GREB1: variants seen among roughly 807,000 people sequenced by gnomAD.
GREB1 encodes growth regulating estrogen receptor binding 1.
GREB1 carries 106 observed loss-of-function variants against 200.7 expected under a neutral mutation model. The observed-to-expected ratio is 0.53, with a 90% CI of 0.45 to 0.62. The LOEUF (loss-of-function observed/expected upper bound fraction) is 0.62. GREB1 is among the 20% of genes least tolerant of loss of function. The probability of loss-of-function intolerance (pLI) is 0.00; values close to 1 mark genes in which losing one functional copy is unlikely to be tolerated. For missense variants in GREB1, 2,243 were observed against 2,556.8 expected (o/e 0.88, Z 2.65); for synonymous variants, 1,132 against 1,092.4 (o/e 1.04, Z -0.72).
chr2:11,611,049 G>T (rs780051810), intron 18 of GREB1, 22 bp downstream of exon 18: 2 of 1,524,922 alleles, frequency 1.3e-6, no homozygotes, highest in Non-Finnish European at 1.8e-6. Context: ...GCGCAGGGAG[G>T]GGCGGAGGGC....
intron 25 of GREB1, among the ~76,000 whole-genome samples, chr2:11,628,963 C>T (rs1360679255): frequency 3.9e-5 from 6 of 152,188 alleles, no homozygotes; most frequent in African/African-American, 1.4e-4. Flanking sequence ...CTCCATGTGG[C>T]CTGCACCTGC....
At chr2:11,523,966 C>T (rs182049538) in intron 1 of GREB1, among the ~76,000 whole-genome samples, 4 of 152,308 alleles carry the variant, frequency 2.6e-5, no homozygotes, top group African/African-American at 7.2e-5. Flanking sequence ...CAGGCTCATT[C>T]AGGCTCAGCC....
intron 10 of GREB1, among the ~76,000 whole-genome samples, chr2:11,590,130 G>A (rs1680582210): frequency 6.6e-6 from 1 of 152,102 alleles, no homozygotes; most frequent in East Asian, 1.9e-4. Flanking sequence ...GGAATGGGTG[G>A]GAAGGAAGGA....
At chr2:11,599,365 A>G (rs1572874186) in intron 15 of GREB1, among the ~76,000 whole-genome samples, 1 of 138,216 alleles carries the variant, frequency 7.2e-6, no homozygotes. Context: ...TTTGAGACGG[A>G]GTCTCACTCT....
chr2:11,551,818 A>C (rs1393899207), intron 1 of GREB1, among the ~76,000 whole-genome samples: 2 of 152,134 alleles, frequency 1.3e-5, no homozygotes, highest in African/African-American at 4.8e-5. Context: ...TATCCTACTC[A>C]GCCCTCCTGG....
chr2:11,491,217 C>T (rs1672768430), intron 1 of GREB1, among the ~76,000 whole-genome samples: 1 of 152,316 alleles, frequency 6.6e-6, no homozygotes, highest in South Asian at 2.1e-4. Context: ...TGGATCAGTA[C>T]AGCACTGTCT....
intron 4 of GREB1, among the ~76,000 whole-genome samples, chr2:11,573,113 C>T (rs1017063092): frequency 6.6e-6 from 1 of 152,174 alleles, no homozygotes; most frequent in African/African-American, 2.4e-5. Context: ...GGATTTGAAC[C>T]CAGGCCCCTC....
chr2:11,539,023 CTT>C (rs1674525541), intron 1 of GREB1, among the ~76,000 whole-genome samples: 8 of 26,078 alleles, frequency 3.1e-4, no homozygotes, highest in African/African-American at 4.4e-4. Flanking sequence ...CCTCCCTTCT[CTT>C]CTCTTCTCTT....
chr2:11,570,401 T>TAA (rs202175567), intron 4 of GREB1, among the ~76,000 whole-genome samples: 6,449 of 132,204 alleles, frequency 0.049, 452 homozygotes, highest in African/African-American at 0.15. Flanking sequence ...GAAACTCCAT[T>TAA]AAAAAAAAAA....
At chr2:11,584,840 G>A (rs1679904489) in intron 7 of GREB1, 1 of 187,796 alleles carries the variant, frequency 5.3e-6, no homozygotes, top group Non-Finnish European at 1.1e-5. Context: ...GATCGCTTGA[G>A]TCCAGGAGTT....
chr2:11,581,089 C>T (rs904736812), intron 7 of GREB1: 7 of 643,012 alleles, frequency 1.1e-5, no homozygotes, highest in African/African-American at 1.1e-4. Context: ...GGCGAGTGAC[C>T]TGTCCTATGG....
chr2:11,567,762 G>A (rs1397531879), intron 4 of GREB1, among the ~76,000 whole-genome samples: 1 of 152,176 alleles, frequency 6.6e-6, no homozygotes, highest in East Asian at 1.9e-4. Flanking sequence ...TGTGTGCCGG[G>A]CCATCACTCA....
At chr2:11,609,975 A>G (rs3762581) in intron 17 of GREB1, among the ~76,000 whole-genome samples, 72,967 of 152,046 alleles carry the variant, frequency 0.48, 17,966 homozygotes, top group South Asian at 0.7. Flanking sequence ...GAGAAACACC[A>G]TCATCTACAG....
At chr2:11,502,617 T>C (rs887886769) in intron 1 of GREB1, among the ~76,000 whole-genome samples, 1 of 152,118 alleles carries the variant, frequency 6.6e-6, no homozygotes, top group Non-Finnish European at 1.5e-5. Flanking sequence ...TTGGATAAAC[T>C]ACTAAAGGAG....
rs1309132808 is a variant in GREB1 at position 11,629,615 on chromosome 2, A to G, written c.4450-333A>G. Among the ~76,000 whole-genome samples the G allele has an allele frequency of 6.6e-6, 1 of 152,224 alleles. No homozygotes were observed. The stretch of plus-strand genomic sequence containing the variant: ...ATTAAAAATGAGCTCTGTAGCATGA[A>G]TGCTTGAGTTGGTGACCCAGAACAG... On this transcript the variant is annotated intron_variant, in intron 25 of 32. Transcript: ENST00000381486. The surrounding 1 kb of genome is among the most constrained non-coding windows in gnomAD (Gnocchi z 5.2).
Position 11,600,450 on chromosome 2 carries a change from T to G in GREB1, c.2334-350T>G, listed in dbSNP as rs569084398. Among the ~76,000 whole-genome samples, 209 of 152,304 alleles carry G rather than the reference T, an allele frequency of 1.4e-3. 1 individual carries two copies. The highest frequency in any genetic ancestry group is 4.8e-3 in the African/African-American group (199 of 41,558). Reference sequence around the variant, plus strand: ...AGGTCAGAAGGACTGTGTAAGGAGATAAGTACACAATCAGATGGGGCCAAA... The same window carrying G: ...AGGTCAGAAGGACTGTGTAAGGAGAGAAGTACACAATCAGATGGGGCCAAA... On this transcript the variant is annotated intron_variant, in intron 15 of 32. Coordinates refer to ENST00000381486, the MANE Select transcript of GREB1 (RefSeq NM_014668.4).
At chr2:11,499,986 A>C (rs1420893914) in intron 1 of GREB1, among the ~76,000 whole-genome samples, 1 of 150,388 alleles carries the variant, frequency 6.6e-6, no homozygotes, top group Admixed American at 6.6e-5. Flanking sequence ...AGTAAAGTAT[A>C]CTTTTTTTTT....
intron 27 of GREB1, among the ~76,000 whole-genome samples, chr2:11,632,370 G>A (rs1476982142): frequency 1.7e-5 from 2 of 116,858 alleles, no homozygotes; most frequent in African/African-American, 6.9e-5. Context: ...ATGGAGTCTC[G>A]TTCTGTCATC....
chr2:11,599,572 G>C (rs1018446558), intron 15 of GREB1, among the ~76,000 whole-genome samples: 3 of 147,856 alleles, frequency 2.0e-5, no homozygotes, highest in Admixed American at 2.0e-4. Context: ...CAGGCTTGGA[G>C]TGCAGTGGCA....
Sources: gnomAD v4.1 joint callset for allele counts (sites outside exome capture counted in the v4.1 genomes callset) on GRCh38, gnomAD v4.1.1 for gene constraint, Gnocchi (gnomAD v3.1) non-coding constraint, MANE v1.5 for transcripts, NCBI Gene and HGNC (gene_info 2026-07-23, HGNC 2026-07-21) for gene names.